PCSK2: variants seen among roughly 807,000 people sequenced by gnomAD.
PCSK2 encodes proprotein convertase subtilisin/kexin type 2, also known as neuroendocrine convertase 2.
PCSK2 carries 14 observed loss-of-function variants against 69.7 expected under a neutral mutation model. The ratio of observed to expected loss-of-function variants is 0.20; its 90% CI spans 0.13 to 0.31. PCSK2 has a LOEUF of 0.31. PCSK2 is among the 10% of genes least tolerant of loss of function. The probability of loss-of-function intolerance (pLI) is 1.00; values close to 1 mark genes in which losing one functional copy is unlikely to be tolerated. For synonymous variants in PCSK2, 307 were observed against 320.7 expected, an observed-to-expected ratio of 0.96 and a Z score of 0.46; for missense variants, 544 against 842.5, an observed-to-expected ratio of 0.65 and a Z score of 4.39.
At chr20:17,458,279 A>G (rs1226843717) in intron 10 of PCSK2, among the ~76,000 whole-genome samples, 1 of 152,174 alleles carries the variant, frequency 6.6e-6, no homozygotes, top group Admixed American at 6.5e-5. Flanking sequence ...CAGGAAAGGC[A>G]GTAAGGGAGT....
At chr20:17,334,777 C>T (rs936889147) in intron 2 of PCSK2, among the ~76,000 whole-genome samples, 2 of 152,148 alleles carry the variant, frequency 1.3e-5, no homozygotes, top group Non-Finnish European at 2.9e-5. Context: ...TGGAAATCTG[C>T]GCCACCAACT....
chr20:17,275,885 C>T (rs576106999), intron 2 of PCSK2, among the ~76,000 whole-genome samples: 1 of 152,144 alleles, frequency 6.6e-6, no homozygotes, highest in Non-Finnish European at 1.5e-5. Flanking sequence ...AGGTCCACCA[C>T]TCACTCACTT....
rs1334541015 is a variant in PCSK2 at position 17,482,277 on chromosome 20, C to A, written c.*207C>A. On this transcript the variant is annotated 3_prime_UTR_variant, in exon 12 of 12. Transcript: ENST00000262545. ...TATGCCCCAAATATAGCGTTCCCAACAACATCCATGTCCTATGTGTGACTC... is the reference window on the plus strand; with the variant it reads ...TATGCCCCAAATATAGCGTTCCCAAAAACATCCATGTCCTATGTGTGACTC... 1.2e-5 allele frequency: 4 copies of A among 325,122 alleles called. No individual in the cohort carries two copies. Among genetic ancestry groups the A allele is most frequent in the African/African-American group, 2.2e-5 (1 of 45,036 alleles). 20.1% of individuals were successfully genotyped at this position (325,122 alleles called of 1,614,324 possible).
intron 2 of PCSK2, among the ~76,000 whole-genome samples, chr20:17,265,567 G>A (rs1243191617): frequency 6.6e-6 from 1 of 152,170 alleles, no homozygotes; most frequent in East Asian, 1.9e-4. Flanking sequence ...AGGGAAAATA[G>A]CATTTTGTAT....
chr20:17,363,744 A>T (rs1446435156), intron 4 of PCSK2, among the ~76,000 whole-genome samples: 1 of 152,234 alleles, frequency 6.6e-6, no homozygotes. Flanking sequence ...GTAAGAATAA[A>T]CAACTAACAG....
intron 2 of PCSK2, among the ~76,000 whole-genome samples, chr20:17,339,704 T>C (rs1990454528): frequency 6.6e-6 from 1 of 152,132 alleles, no homozygotes; most frequent in Non-Finnish European, 1.5e-5. Context: ...TTGTTTGTTT[T>C]CCAGGAATAT....
intron 1 of PCSK2, among the ~76,000 whole-genome samples, chr20:17,228,858 TG>T (rs1986035105): frequency 1.3e-5 from 2 of 152,102 alleles, no homozygotes; most frequent in South Asian, 4.1e-4. Flanking sequence ...GGTCCGCCGG[TG>T]GCGCGCGGGC....
chr20:17,453,986 C>T lies in PCSK2; in HGVS notation c.1101+29C>T. 2 of 1,612,908 alleles carry T rather than the reference C, an allele frequency of 1.2e-6. No individual in the cohort carries two copies. The highest frequency in any genetic ancestry group is 1.1e-5 in the South Asian group (1 of 90,884). On this transcript the variant is annotated intron_variant, in intron 9 of 11. Coordinates refer to ENST00000262545, the MANE Select transcript of PCSK2 (RefSeq NM_002594.5). The surrounding 1 kb of genome is among the most constrained non-coding windows in gnomAD (Gnocchi z 4.0). Reference sequence around the variant, plus strand: ...AGCACGTCCCCTTCTGTCCTTGTTTCCTTAGGGCCACTGCACCTCTGTGTC... The same window carrying T: ...AGCACGTCCCCTTCTGTCCTTGTTTTCTTAGGGCCACTGCACCTCTGTGTC...
intron 2 of PCSK2, among the ~76,000 whole-genome samples, chr20:17,303,547 G>A (rs8183403): frequency 0.11 from 3,622 of 31,638 alleles, 194 homozygotes; most frequent in East Asian, 0.28. Context: ...TATATAATAT[G>A]ATATAATATA....
intron 2 of PCSK2, among the ~76,000 whole-genome samples, chr20:17,282,533 C>T (rs190349138): frequency 6.1e-4 from 93 of 152,248 alleles, no homozygotes; most frequent in Middle Eastern, 3.4e-3. Flanking sequence ...CCCATTGTCA[C>T]GTCAATTATA....
chr20:17,227,103 T>G lies in PCSK2; in HGVS notation c.-203T>G, dbSNP rs1287045075. 8 of 561,280 alleles carry G rather than the reference T, an allele frequency of 1.4e-5. No individual in the cohort carries two copies. The highest frequency in any genetic ancestry group is 2.5e-5 in the Non-Finnish European group (8 of 318,236). 34.8% of individuals were successfully genotyped at this position (561,280 alleles called of 1,614,324 possible). A position where few individuals can be genotyped will look rare whatever the true frequency, so the allele number is the denominator to read the frequency against. On this transcript the variant is annotated 5_prime_UTR_variant, in exon 1 of 12. Transcript: ENST00000262545. ...ACCCCTGCCCGCGCGCCGGGCCGCCTGACTGCACGGCTTCCCCTCCAGCCA... is the reference window on the plus strand; with the variant it reads ...ACCCCTGCCCGCGCGCCGGGCCGCCGGACTGCACGGCTTCCCCTCCAGCCA...
intron 2 of PCSK2, among the ~76,000 whole-genome samples, chr20:17,330,606 G>C (rs111427058): frequency 0.15 from 22,897 of 151,926 alleles, 1,923 homozygotes; most frequent in Middle Eastern, 0.2. Flanking sequence ...GACAGAGTGA[G>C]ACTTCATCTC....
intron 2 of PCSK2, among the ~76,000 whole-genome samples, chr20:17,336,839 G>A (rs916887054): frequency 3.9e-5 from 6 of 152,166 alleles, no homozygotes; most frequent in African/African-American, 9.7e-5. Context: ...GGCCAGTGAC[G>A]GGGTAATGAG....
intron 2 of PCSK2, among the ~76,000 whole-genome samples, chr20:17,343,032 C>A (rs530469052): frequency 1.3e-4 from 20 of 152,248 alleles, no homozygotes; most frequent in African/African-American, 4.8e-4. Flanking sequence ...AACAAATGTA[C>A]AGAAAGCTTA....
At chr20:17,420,563 G>T (rs1174220938) in intron 6 of PCSK2, among the ~76,000 whole-genome samples, 1 of 152,180 alleles carries the variant, frequency 6.6e-6, no homozygotes, top group South Asian at 2.1e-4. Context: ...AAAAGGAGTA[G>T]ATGTAATATA....
chr20:17,313,886 C>T (rs1989594765), intron 2 of PCSK2, among the ~76,000 whole-genome samples: 1 of 152,170 alleles, frequency 6.6e-6, no homozygotes, highest in Non-Finnish European at 1.5e-5. Flanking sequence ...AGACACAAAT[C>T]GTGTGTACCT....
chr20:17,313,389 C>G (rs181631494), intron 2 of PCSK2, among the ~76,000 whole-genome samples: 119 of 152,192 alleles, frequency 7.8e-4, no homozygotes, highest in African/African-American at 2.8e-3. Context: ...CCCCCTCCCA[C>G]TCCTGCTGCT....
At chr20:17,345,924 C>A (rs1197835787) in intron 2 of PCSK2, among the ~76,000 whole-genome samples, 1 of 152,182 alleles carries the variant, frequency 6.6e-6, no homozygotes, top group Non-Finnish European at 1.5e-5. Context: ...AGGTAACTGA[C>A]CCACAGGACC....
intron 1 of PCSK2, among the ~76,000 whole-genome samples, chr20:17,256,328 T>C: frequency 6.6e-6 from 1 of 152,304 alleles, no homozygotes; most frequent in East Asian, 1.9e-4. Context: ...TATAGTGATA[T>C]CTATATATAA....
Sources: allele counts gnomAD v4.1 joint callset (sites outside exome capture counted in the v4.1 genomes callset), GRCh38; gene constraint gnomAD v4.1.1; non-coding constraint Gnocchi (gnomAD v3.1); transcripts MANE v1.5; gene names NCBI Gene and HGNC (gene_info 2026-07-23, HGNC 2026-07-21).